The following LZTS1 variants were observed in gnomAD, a reference collection of about 807,000 sequenced individuals.
LZTS1 encodes leucine zipper putative tumor suppressor 1.
A neutral mutation model predicts 45.8 loss-of-function variants in LZTS1; 31 were observed. That is an observed-to-expected ratio of 0.68 (90% CI 0.51 to 0.91). The LOEUF (loss-of-function observed/expected upper bound fraction) is 0.91. Ranked by LOEUF, LZTS1 falls within the 40% of genes least tolerant of loss-of-function variation. The pLI is 0.00. For missense variants in LZTS1, 821 were observed against 788.9 expected (o/e 1.04, Z -0.49); for synonymous variants, 359 against 357.3 (o/e 1.00, Z -0.05).
chr8:20,277,208 C>T (rs902276284), intron 1 of LZTS1, among the ~76,000 whole-genome samples: 6 of 152,184 alleles, frequency 3.9e-5, no homozygotes, highest in African/African-American at 1.4e-4. Context: ...AATTATAGTG[C>T]ATTAATATGC....
rs139299051 is a variant in LZTS1, at chr8:20,288,633, C to T, written c.-135+15107G>A. Among the ~76,000 whole-genome samples, 793 of 152,284 alleles carry T rather than the reference C, an allele frequency of 5.2e-3. 22 individuals carry two copies. The highest frequency in any genetic ancestry group is 0.043 in the Admixed American group (656 of 15,300). On this transcript the variant is annotated intron_variant, in intron 1 of 3. Coordinates refer to ENST00000381569, the MANE Select transcript of LZTS1 (RefSeq NM_021020.5). ...AGTACCTGGCTTCAAACCTAGGTTG[C>T]GGTCAACAGCCGTCTAGCAATACAC...
chr8:20,264,711 G>A (rs1385018956), intron 1 of LZTS1, among the ~76,000 whole-genome samples: 1 of 152,178 alleles, frequency 6.6e-6, no homozygotes, highest in East Asian at 1.9e-4. Flanking sequence ...GGCACAACCA[G>A]CCAGGCAGGA....
chr8:20,291,633 C>A (rs1244012364), intron 1 of LZTS1, among the ~76,000 whole-genome samples: 1 of 150,586 alleles, frequency 6.6e-6, no homozygotes, highest in Non-Finnish European at 1.5e-5. Flanking sequence ...GATTGAGCAC[C>A]CTTTCTGCAG....
rs2128900524 is a variant in LZTS1, at chr8:20,302,694, A to G, written c.-135+1046T>C. Reference sequence around the variant, plus strand: ...CAGTACTTTCCCAGCGCCCGGGACCAGAGAGTAGAGGGGCTGATGGCAGCG... The same window carrying G: ...CAGTACTTTCCCAGCGCCCGGGACCGGAGAGTAGAGGGGCTGATGGCAGCG... On this transcript the variant is annotated intron_variant, in intron 1 of 3. Coordinates refer to ENST00000381569, the MANE Select transcript of LZTS1 (RefSeq NM_021020.5). Among the ~76,000 whole-genome samples, 3 of 152,360 alleles carry G rather than the reference A, an allele frequency of 2.0e-5. No homozygotes were observed. In the South Asian group the frequency reaches 6.2e-4, roughly 32 times the overall value.
chr8:20,256,671 A>C (rs1800110970), intron 1 of LZTS1, among the ~76,000 whole-genome samples: 1 of 152,212 alleles, frequency 6.6e-6, no homozygotes, highest in African/African-American at 2.4e-5. Context: ...GACTTGCTAA[A>C]GGATCAGATG....
At position 20,255,078 on chromosome 8, in the gene LZTS1, T is replaced by C; in HGVS notation, c.104A>G (p.Asn35Ser). The C allele has an allele frequency of 6.2e-7, 1 of 1,614,112 alleles. No individual in the cohort carries two copies. The highest frequency in any genetic ancestry group is 8.5e-7 in the Non-Finnish European group (1 of 1,180,024). ...CCTCAGCAGCCCGTCGGAATACCGG[T>C]TGAGCTTCTTGAGGTGGGAGGACTT... ...LRKSSHLKKL[N>S]RYSDGLLRFG... The change falls in exon 2 of 4, where the codon AAC (asparagine) becomes AGC (serine). Residue 35 changes from asparagine to serine, a missense_variant. By Grantham distance (46) the Asn-to-Ser change is conservative. Transcript: ENST00000381569.
In LZTS1 at chr8:20,253,140, T is replaced by G; in HGVS notation, c.791A>C (p.Gln264Pro). 1 of 1,612,998 alleles carries G rather than the reference T, an allele frequency of 6.2e-7. No homozygotes were observed. Among genetic ancestry groups the G allele is most frequent in the Non-Finnish European group, 8.5e-7 (1 of 1,179,856 alleles). Residue 264 changes from glutamine (Q) to proline (P), a missense_variant, in exon 3 of 4, where the codon CAG becomes CCG. Physicochemically the swap from Gln to Pro is moderately conservative, Grantham distance 76 (BLOSUM62 -1). Transcript: ENST00000381569. Reference sequence around the variant, plus strand: ...CTCCAACAGCTTCTGCTCCAGCTCCTGGATGCTGCACTCGTCCGTGGAGAT... The same window carrying G: ...CTCCAACAGCTTCTGCTCCAGCTCCGGGATGCTGCACTCGTCCGTGGAGAT... ...SPISTDECSI[Q>P]ELEQKLLERE...
At chr8:20,302,304 C>T (rs1288333093) in intron 1 of LZTS1, among the ~76,000 whole-genome samples, 1 of 152,170 alleles carries the variant, frequency 6.6e-6, no homozygotes, top group Non-Finnish European at 1.5e-5. Flanking sequence ...ATGCTCTCTG[C>T]CCACAGACTT....
chr8:20,281,786 A>G (rs1460273485), intron 1 of LZTS1, among the ~76,000 whole-genome samples: 40 of 152,358 alleles, frequency 2.6e-4, no homozygotes, highest in Non-Finnish European at 7.3e-5. Flanking sequence ...TGCTGGGGCC[A>G]TGCTTGTACA....
intron 1 of LZTS1, among the ~76,000 whole-genome samples, chr8:20,284,512 T>C (rs1800752666): frequency 6.6e-6 from 1 of 152,134 alleles, no homozygotes; most frequent in Non-Finnish European, 1.5e-5. Flanking sequence ...TAAGAGAAGG[T>C]AAAGGCATGC....
chr8:20,289,534 G>A (rs369807430), intron 1 of LZTS1, among the ~76,000 whole-genome samples: 1 of 152,160 alleles, frequency 6.6e-6, no homozygotes, highest in Admixed American at 6.5e-5. Context: ...CCACCTCCTG[G>A]TCCCTCAACT....
rs200613740 is a variant in LZTS1 at position 20,253,139 on chromosome 8, C to T, written c.792G>A (p.Gln264=). The part of the protein sequence containing the change: ...SPISTDECSI[Q]ELEQKLLERE... ...TCTCCAACAGCTTCTGCTCCAGCTC[C>T]TGGATGCTGCACTCGTCCGTGGAGA... Residue 264 remains glutamine, a synonymous_variant, in exon 3 of 4, where the codon CAG becomes CAA. Coordinates refer to ENST00000381569, the MANE Select transcript of LZTS1 (RefSeq NM_021020.5). 1.9e-6 allele frequency: 3 copies of T among 1,613,022 alleles called. No individual in the cohort carries two copies. The highest frequency in any genetic ancestry group is 4.5e-5 in the East Asian group (2 of 44,880).
intron 1 of LZTS1, among the ~76,000 whole-genome samples, chr8:20,258,030 A>C (rs946394913): frequency 1.3e-5 from 2 of 152,162 alleles, no homozygotes; most frequent in Non-Finnish European, 2.9e-5. Context: ...AAACAATAAC[A>C]ACCTTGTCAG....
chr8:20,287,460 C>T (rs1359760665), intron 1 of LZTS1, among the ~76,000 whole-genome samples: 1 of 152,220 alleles, frequency 6.6e-6, no homozygotes, highest in East Asian at 1.9e-4. Context: ...TTCGCTCCCA[C>T]CCTCAACTCT....
At chr8:20,263,238 G>T (rs1232136347) in intron 1 of LZTS1, among the ~76,000 whole-genome samples, 1 of 152,146 alleles carries the variant, frequency 6.6e-6, no homozygotes, top group African/African-American at 2.4e-5. Flanking sequence ...GCGGAGACTG[G>T]GCGGGGAGAT....
At chr8:20,290,909 G>A (rs888237472) in intron 1 of LZTS1, among the ~76,000 whole-genome samples, 3 of 152,162 alleles carry the variant, frequency 2.0e-5, no homozygotes, top group Non-Finnish European at 2.9e-5. Flanking sequence ...CCTAAAGTCT[G>A]TCCCATGCAC....
chr8:20,253,604 G>T lies in LZTS1; in HGVS notation c.346-19C>A, dbSNP rs568823247. On this transcript the variant is annotated intron_variant, in intron 2 of 3. Coordinates refer to ENST00000381569, the MANE Select transcript of LZTS1 (RefSeq NM_021020.5). ...CGGAGCCCTGTAGAGGAAAAGGACC[G>T]CGGTGACTCATGCCTCCCCTGCGCG... The T allele has an allele frequency of 2.1e-6, 3 of 1,433,706 alleles. No individual in the cohort carries two copies. Among genetic ancestry groups the T allele is most frequent in the South Asian group, 1.5e-5 (1 of 67,712 alleles). The allele number at this position is 1,433,706 out of a possible 1,614,324, so 88.8% of individuals were successfully genotyped here.
At chr8:20,302,630 C>G (rs964517061) in intron 1 of LZTS1, among the ~76,000 whole-genome samples, 1 of 152,172 alleles carries the variant, frequency 6.6e-6, no homozygotes, top group African/African-American at 2.4e-5. Context: ...TTATTAGGAG[C>G]AGCGCCTGCC....
rs531736365 is a variant in LZTS1 at position 20,294,507 on chromosome 8, C to T, written c.-135+9233G>A. 1.8e-4 allele frequency among the ~76,000 whole-genome samples: 28 copies of T among 152,280 alleles called. No homozygotes were observed. The South Asian group carries it at 5.2e-3, about 28-fold the overall frequency. Reference sequence around the variant, plus strand: ...CAGTGCAGGTGGAGGCTGGGGGCTCCGCCTGGCTCCTCTCATTTTCCCCAC... The same window carrying T: ...CAGTGCAGGTGGAGGCTGGGGGCTCTGCCTGGCTCCTCTCATTTTCCCCAC... On this transcript the variant is annotated intron_variant, in intron 1 of 3. Transcript: ENST00000381569.
Sources: gnomAD v4.1 joint callset for allele counts (sites outside exome capture counted in the v4.1 genomes callset) on GRCh38, gnomAD v4.1.1 for gene constraint, MANE v1.5 for transcripts, NCBI Gene and HGNC (gene_info 2026-07-23, HGNC 2026-07-21) for gene names.